RBM45: variants seen among roughly 807,000 people sequenced by gnomAD.
RBM45 encodes RNA binding motif protein 45.
In RBM45, 39 loss-of-function variants were observed where a neutral mutation model predicts 58.5. The observed-to-expected ratio is 0.67, with a 90% CI of 0.52 to 0.87. The LOEUF is 0.87. Among genes scored for constraint, RBM45 ranks in the 40% least tolerant of loss-of-function variants. RBM45 has a pLI of 0.00. For synonymous variants in RBM45, 193 were observed against 203.0 expected (o/e 0.95, Z 0.42); for missense variants, 481 against 581.6 (o/e 0.83, Z 1.78).
rs2088060784 is a variant in RBM45, at chr2:178,138,244, G to C, written c.*1790G>C. 2.6e-5 allele frequency: 4 copies of C among 152,182 alleles called. No homozygotes were observed. In the South Asian group the frequency reaches 8.3e-4, roughly 32 times the overall value. 9.4% of individuals were successfully genotyped at this position (152,182 alleles called of 1,614,324 possible). On this transcript the variant is annotated 3_prime_UTR_variant, in exon 4 of 4. Coordinates refer to the RBM45 transcript ENST00000455903. ...CAATGTTATATATTGTGCTTTAAAA[G>C]CTTTCTTTTAAAGGATTCTCTGCAG...
At chr2:178,134,250 A>G (rs916003142), downstream of RBM45, among the ~76,000 whole-genome samples, 27 of 152,214 alleles carry the variant, frequency 1.8e-4, no homozygotes, top group Non-Finnish European at 3.1e-4. Context: ...AGGCATCGGA[A>G]GACCATTTTT....
chr2:178,126,325 A>G (rs2087929133), intron 9 of RBM45, 141 bp downstream of exon 9: 6 of 451,466 alleles, frequency 1.3e-5, no homozygotes, highest in Non-Finnish European at 2.3e-5. Flanking sequence ...TAAACTTTAA[A>G]AATTGTTGAC....
At chr2:178,125,963 A>AT in intron 8 of RBM45, 21 bp from the exon 9 acceptor site, 1 of 1,605,424 alleles carries the variant, frequency 6.2e-7, no homozygotes, top group African/African-American at 1.3e-5. Context: ...TTGGTTGATT[A>AT]TTTTTTTCAC....
intron 9 of RBM45, among the ~76,000 whole-genome samples, chr2:178,129,085 A>G (rs927712141): frequency 6.6e-6 from 1 of 152,246 alleles, no homozygotes; most frequent in Admixed American, 6.5e-5. Flanking sequence ...CATTGAAAGT[A>G]GTTGAATTCT....
At chr2:178,118,295 C>T in intron 3 of RBM45, 114 bp downstream of exon 3, 1 of 1,017,252 alleles carries the variant, frequency 9.8e-7, no homozygotes, top group Non-Finnish European at 1.4e-6. Context: ...GTAATTTTAG[C>T]AGTGGGTATT....
rs756904940 is a variant in RBM45, at chr2:178,125,953, T to G, written c.1233-31T>G. 23 of 1,586,490 alleles carry G rather than the reference T, an allele frequency of 1.4e-5. 1 individual carries two copies. In the South Asian group the frequency reaches 2.5e-4, roughly 17 times the overall value. ...ACCTGAGCAGTTGTATTTATCAATT[T>G]TGGTTGATTATTTTTTTCACTTTGT... On this transcript the variant is annotated intron_variant, in intron 8 of 9. Coordinates refer to ENST00000286070, the MANE Select transcript of RBM45 (RefSeq NM_152945.4).
In RBM45 at chr2:178,124,030, A is replaced by ATAG; in HGVS notation, c.1069-97_1069-96insTAG. 3 of 1,475,760 alleles carry ATAG rather than the reference A, an allele frequency of 2.0e-6. No individual in the cohort carries two copies. The South Asian group carries it at 3.7e-5, about 18-fold the overall frequency. The allele number at this position is 1,475,760 out of a possible 1,614,324, so 91.4% of individuals were successfully genotyped here. A position where few individuals can be genotyped will look rare whatever the true frequency, so the allele number is the denominator to read the frequency against. On this transcript the variant is annotated intron_variant, in intron 7 of 9. Coordinates refer to ENST00000286070, the MANE Select transcript of RBM45 (RefSeq NM_152945.4). ...AAAATTTTCAGAGCTATTGTGGAAGACCACATAGATGCCATGATACATATC... is the reference window on the plus strand; with the variant it reads ...AAAATTTTCAGAGCTATTGTGGAAGATAGCCACATAGATGCCATGATACATATC...
intron 9 of RBM45, among the ~76,000 whole-genome samples, chr2:178,128,234 A>G (rs973665278): frequency 6.6e-6 from 1 of 151,778 alleles, no homozygotes; most frequent in Admixed American, 6.6e-5. Context: ...TCCTAAGCTC[A>G]AGTCATCTGC....
chr2:178,123,537 A>C lies in RBM45; in HGVS notation c.869A>C (p.Gln290Pro). Residue 290 changes from glutamine (Q) to proline (P), a missense_variant, in exon 6 of 10, where the codon CAG (glutamine) becomes CCG (proline). Transcript: ENST00000286070. ...PYSNYGHGVV[Q>P]YFNVASAIYA... ...TCTATTTTAGGTCATGGAGTGGTTC[A>C]GTATTTTAATGTAGCATCAGCTATT... The C allele has an allele frequency of 1.9e-6, 3 of 1,594,080 alleles. No individual in the cohort carries two copies. The highest frequency in any genetic ancestry group is 2.6e-6 in the Non-Finnish European group (3 of 1,173,136).
intron 5 of RBM45, among the ~76,000 whole-genome samples, chr2:178,122,739 A>C (rs1168002397): frequency 1.3e-5 from 2 of 152,126 alleles, no homozygotes; most frequent in African/African-American, 2.4e-5. Context: ...TATAGTTCGA[A>C]TCTCATTTGA....
At chr2:178,124,079 T>C (rs940370889) in intron 7 of RBM45, 48 bp from the exon 8 acceptor site, 193 of 1,559,900 alleles carry the variant, frequency 1.2e-4, no homozygotes, top group Non-Finnish European at 1.6e-4. Flanking sequence ...TGGCCAAAAA[T>C]CCCTAAAGGG....
In RBM45 at chr2:178,121,328, T is replaced by G. The variant is rs750997552; in HGVS notation, c.822T>G (p.Cys274Trp). The G allele has an allele frequency of 6.3e-7, 1 of 1,581,614 alleles. No individual in the cohort carries two copies. Among genetic ancestry groups the G allele is most frequent in the Non-Finnish European group, 8.6e-7 (1 of 1,168,516 alleles). Residue 274 changes from cysteine to tryptophan, a missense_variant, in exon 5 of 10, where the codon TGT becomes TGG. Cys to Trp is a radical substitution (Grantham distance 215). Coordinates refer to ENST00000286070, the MANE Select transcript of RBM45 (RefSeq NM_152945.4). The stretch of plus-strand genomic sequence containing the variant: ...ATATAGTACCAGGATTGGAATATTG[T>G]GAAGTTCAACGAGATCCTTATTCAA... ...IFDIVPGLEYCEVQRDPYSNY... is the reference protein window; with the variant it reads ...IFDIVPGLEYWEVQRDPYSNY...
At chr2:178,134,338 A>G (rs1281015864), downstream of RBM45, among the ~76,000 whole-genome samples, 1 of 152,214 alleles carries the variant, frequency 6.6e-6, no homozygotes, top group Admixed American at 6.5e-5. Flanking sequence ...TTCTACAGAA[A>G]CTGGGGGAAA....
At chr2:178,134,885 G>A (rs998482072) in intron 3 of RBM45, among the ~76,000 whole-genome samples, 1 of 140,304 alleles carries the variant, frequency 7.1e-6, no homozygotes, top group Non-Finnish European at 1.6e-5. Context: ...CTACTAAGGA[G>A]GCTGAGGCGA....
intron 2 of RBM45, 108 bp downstream of exon 2, chr2:178,116,492 G>C (rs2087779281): frequency 3.3e-5 from 28 of 845,026 alleles, no homozygotes; most frequent in Non-Finnish European, 4.7e-5. Flanking sequence ...AGTAGTCTTG[G>C]GGAATTACAT....
In RBM45 at chr2:178,114,022, C is replaced by T. The variant is rs181937581; in HGVS notation, c.300+1176C>T. ...CCCTTCCTCCCACTTCTCCAACCCTCTGAAGTGTGTCAGAGTGACAGCAAC... is the reference window on the plus strand; with the variant it reads ...CCCTTCCTCCCACTTCTCCAACCCTTTGAAGTGTGTCAGAGTGACAGCAAC... On this transcript the variant is annotated intron_variant, in intron 1 of 9. Coordinates refer to ENST00000286070, the MANE Select transcript of RBM45 (RefSeq NM_152945.4). Among the ~76,000 whole-genome samples the T allele has an allele frequency of 1.2e-4, 19 of 152,296 alleles. No homozygotes were observed. The East Asian group carries it at 3.7e-3, about 29-fold the overall frequency.
At chr2:178,123,942 T>C in intron 7 of RBM45, 30 bp downstream of exon 7, 1 of 1,564,976 alleles carries the variant, frequency 6.4e-7, no homozygotes, top group South Asian at 1.1e-5. Context: ...ACCTTTATAA[T>C]ATATCAATAG....
intron 1 of RBM45, among the ~76,000 whole-genome samples, 184 bp downstream of exon 1, chr2:178,113,030 C>T (rs1012883771): frequency 6.6e-6 from 1 of 152,140 alleles, no homozygotes; most frequent in African/African-American, 2.4e-5. Context: ...GAAGCTGCGC[C>T]GGGTTGCAGG....
At chr2:178,135,417 C>T (rs2088037406) in intron 3 of RBM45, among the ~76,000 whole-genome samples, 2 of 152,238 alleles carry the variant, frequency 1.3e-5, no homozygotes, top group Admixed American at 1.3e-4. Context: ...CCAGAAATTC[C>T]TAACAGGACT....
Sources: allele counts gnomAD v4.1 joint callset (sites outside exome capture counted in the v4.1 genomes callset), GRCh38; gene constraint gnomAD v4.1.1; transcripts MANE v1.5; gene names NCBI Gene and HGNC (gene_info 2026-07-23, HGNC 2026-07-21).